The following MITF variants were observed in gnomAD, a reference collection of about 807,000 sequenced individuals.
MITF encodes melanocyte inducing transcription factor, also known as microphthalmia-associated transcription factor.
Under a neutral mutation model 60.5 loss-of-function variants are expected in MITF, and 17 were observed. The ratio of observed to expected loss-of-function variants is 0.28; its 90% CI spans 0.19 to 0.42. The LOEUF (loss-of-function observed/expected upper bound fraction) is 0.42, where lower values mean the gene tolerates loss of function less well. Ranked by LOEUF, MITF falls within the 10% of genes least tolerant of loss-of-function variation. The probability of loss-of-function intolerance (pLI) is 1.00; values close to 1 mark genes in which losing one functional copy is unlikely to be tolerated. For missense variants in MITF, 622 were observed against 683.5 expected, an observed-to-expected ratio of 0.91 and a Z score of 1.00; for synonymous variants, 260 against 248.5, an observed-to-expected ratio of 1.05 and a Z score of -0.43.
chr3:69,834,076 T>C (rs1320554889), intron 1 of MITF, among the ~76,000 whole-genome samples: 1 of 112,674 alleles, frequency 8.9e-6, no homozygotes, highest in Non-Finnish European at 2.4e-5. Context: ...TATAATTTGA[T>C]GTTTTGACAC....
At chr3:69,766,085 G>A (rs2062287034) in intron 1 of MITF, among the ~76,000 whole-genome samples, 1 of 152,128 alleles carries the variant, frequency 6.6e-6, no homozygotes, top group Non-Finnish European at 1.5e-5. Flanking sequence ...ATAAGAAAAT[G>A]GAAGTTTAAT....
chr3:69,893,315 C>T (rs1056992506), intron 2 of MITF, among the ~76,000 whole-genome samples: 1 of 151,908 alleles, frequency 6.6e-6, no homozygotes, highest in African/African-American at 2.4e-5. Flanking sequence ...CAAAGAACTC[C>T]TGCCCAGAGG....
chr3:69,943,725 C>T (rs1446446072), intron 5 of MITF, among the ~76,000 whole-genome samples: 1 of 152,086 alleles, frequency 6.6e-6, no homozygotes, highest in Non-Finnish European at 1.5e-5. Flanking sequence ...CAGTTTGCTT[C>T]ATGGAGAACT....
chr3:69,917,399 A>C (rs1321572770), intron 2 of MITF, among the ~76,000 whole-genome samples: 1 of 67,172 alleles, frequency 1.5e-5, no homozygotes, highest in African/African-American at 6.7e-5. Context: ...TTTTTTTTTG[A>C]CATCTTTAGC....
intron 1 of MITF, among the ~76,000 whole-genome samples, chr3:69,801,109 A>T (rs1478284030): frequency 6.7e-6 from 1 of 148,998 alleles, no homozygotes; most frequent in Non-Finnish European, 1.5e-5. Context: ...TGTTACCGTG[A>T]AGGTTGTTCA....
chr3:69,941,159 G>A, intron 4 of MITF, 77 bp from the exon 5 acceptor site: 1 of 935,796 alleles, frequency 1.1e-6, no homozygotes, highest in Non-Finnish European at 1.7e-6. Flanking sequence ...GGTAAAAAAA[G>A]ACCATGAGTC....
At chr3:69,946,578 C>T (rs1002809369) in intron 5 of MITF, among the ~76,000 whole-genome samples, 1 of 152,124 alleles carries the variant, frequency 6.6e-6, no homozygotes, top group Admixed American at 6.6e-5. Context: ...TAATTCTGTG[C>T]TTGGCCCAAA....
chr3:69,774,305 A>G (rs1482754280), intron 1 of MITF, among the ~76,000 whole-genome samples: 1 of 152,176 alleles, frequency 6.6e-6, no homozygotes, highest in Admixed American at 6.5e-5. Context: ...TCTTATTAGA[A>G]GATGGTTTAG....
chr3:69,755,433 G>GTTTTTTTTTTTTTTTTTTTTTTTTTT lies in MITF; in HGVS notation c.104+15745_104+15770dup, dbSNP rs542141862. 5.7e-5 allele frequency among the ~76,000 whole-genome samples: 2 copies of GTTTTTTTTTTTTTTTTTTTTTTTTTT among 35,396 alleles called. 1 individual carries two copies. 23.2% of individuals were successfully genotyped at this position (35,396 alleles called of 152,430 possible). A position where few individuals can be genotyped will look rare whatever the true frequency, so the allele number is the denominator to read the frequency against. ...ATCTTTGTATCTTTTACCCTTCTGG[G>GTTTTTTTTTTTTTTTTTTTTTTTTTT]TTTTTTTTTTTTTTTTTTTTTTTTT... On this transcript the variant is annotated intron_variant, in intron 1 of 9. Transcript: ENST00000352241.
Position 69,771,632 on chromosome 3 carries a change from G to A in MITF, c.104+31931G>A, listed in dbSNP as rs116551738. Among the ~76,000 whole-genome samples, 620 of 152,300 alleles carry A rather than the reference G, an allele frequency of 4.1e-3. 7 individuals carry two copies. Among genetic ancestry groups the A allele is most frequent in the African/African-American group, 0.014 (573 of 41,552 alleles). On this transcript the variant is annotated intron_variant, in intron 1 of 9. Coordinates refer to ENST00000352241, the MANE Select transcript of MITF (RefSeq NM_001354604.2). The stretch of plus-strand genomic sequence containing the variant: ...AAATTGAGAATACTGGAAAGTAAGT[G>A]TTACCATTGCAGTAAATGCTAAAAT...
chr3:69,937,999 C>T lies in MITF; in HGVS notation c.532C>T (p.Pro178Ser), dbSNP rs138154861. Residue 178 changes from proline (P) to serine (S), a missense_variant, in exon 3 of 10, where the codon CCC becomes TCC. Coordinates refer to ENST00000352241, the MANE Select transcript of MITF (RefSeq NM_001354604.2). ...GCCACCGGTGCCGGGGAGCAGCGCACCCAACAGCCCCATGGCTATGCTTAC... is the reference window on the plus strand; with the variant it reads ...GCCACCGGTGCCGGGGAGCAGCGCATCCAACAGCCCCATGGCTATGCTTAC... ...VMPPVPGSSA[P>S]NSPMAMLTLN... 1 of 1,614,166 alleles carries T rather than the reference C, an allele frequency of 6.2e-7. No homozygotes were observed. Among genetic ancestry groups the T allele is most frequent in the Non-Finnish European group, 8.5e-7 (1 of 1,180,000 alleles).
intron 2 of MITF, among the ~76,000 whole-genome samples, chr3:69,921,013 A>T (rs76295987): frequency 0.016 from 2,375 of 152,208 alleles, 29 homozygotes; most frequent in Middle Eastern, 0.051. Context: ...GATTACAGGC[A>T]CACGCCACCA....
At chr3:69,833,745 A>G (rs1027266149) in intron 1 of MITF, among the ~76,000 whole-genome samples, 2 of 152,048 alleles carry the variant, frequency 1.3e-5, no homozygotes, top group African/African-American at 4.8e-5. Context: ...CTCTGTTTAC[A>G]CTATATGTGA....
intron 1 of MITF, among the ~76,000 whole-genome samples, chr3:69,754,226 T>G (rs1447243863): frequency 6.6e-6 from 1 of 151,958 alleles, no homozygotes; most frequent in Non-Finnish European, 1.5e-5. Flanking sequence ...CTCTCCTTTT[T>G]TTTTTTTTGA....
chr3:69,928,811 G>A (rs1192962737), intron 2 of MITF, among the ~76,000 whole-genome samples: 1 of 152,188 alleles, frequency 6.6e-6, no homozygotes, highest in Non-Finnish European at 1.5e-5. Context: ...CCAGCTTGGG[G>A]ACCTTGGAAT....
chr3:69,937,919 A>G lies in MITF; in HGVS notation c.452A>G (p.His151Arg). 1 of 1,614,152 alleles carries G rather than the reference A, an allele frequency of 6.2e-7. No individual in the cohort carries two copies. The highest frequency in any genetic ancestry group is 8.5e-7 in the Non-Finnish European group (1 of 1,180,018). The change falls in exon 3 of 10, where the codon CAT (histidine) becomes CGT (arginine). Residue 151 changes from histidine to arginine, a missense_variant. His to Arg is a conservative substitution (Grantham distance 29, BLOSUM62 0). Around this residue, in one of 5 missense-constraint regions of MITF, gnomAD observed 215 missense variants for 224.8 expected, o/e 0.96. Transcript: ENST00000352241. ...QYLSTTLANKHANQVLSLPCP... is the reference protein window; with the variant it reads ...QYLSTTLANKRANQVLSLPCP... ...CTTTCTACCACTTTAGCAAATAAACATGCCAACCAAGTCCTGAGCTTGCCA... is the reference window on the plus strand; with the variant it reads ...CTTTCTACCACTTTAGCAAATAAACGTGCCAACCAAGTCCTGAGCTTGCCA...
At chr3:69,903,157 A>G (rs1435098291) in intron 2 of MITF, among the ~76,000 whole-genome samples, 1 of 152,160 alleles carries the variant, frequency 6.6e-6, no homozygotes, top group Non-Finnish European at 1.5e-5. Flanking sequence ...TATGATGTGG[A>G]TTGAGTTTGT....
chr3:69,812,056 C>T (rs1164964551), intron 1 of MITF, among the ~76,000 whole-genome samples: 1 of 150,966 alleles, frequency 6.6e-6, no homozygotes, highest in Non-Finnish European at 1.5e-5. Context: ...TTATGCAACC[C>T]CAGATGCTTT....
At chr3:69,871,460 C>T (rs1325763136) in intron 1 of MITF, among the ~76,000 whole-genome samples, 1 of 152,184 alleles carries the variant, frequency 6.6e-6, no homozygotes, top group Non-Finnish European at 1.5e-5. Flanking sequence ...AAATCAGGTA[C>T]TTTACCAAAC....
Sources: allele counts gnomAD v4.1 joint callset (sites outside exome capture counted in the v4.1 genomes callset), GRCh38; gene constraint gnomAD v4.1.1; regional missense constraint gnomAD v4.1.1; transcripts MANE v1.5; gene names NCBI Gene and HGNC (gene_info 2026-07-23, HGNC 2026-07-21).